The following AFTPH variants were observed in gnomAD, a reference collection of about 807,000 sequenced individuals.
AFTPH encodes aftiphilin.
AFTPH carries 7 observed loss-of-function variants against 72.5 expected under a neutral mutation model. The observed-to-expected ratio is 0.10, with a 90% confidence interval of 0.05 to 0.18. The LOEUF is 0.18. AFTPH is among the 10% of genes least tolerant of loss of function. The probability of loss-of-function intolerance (pLI) is 1.00; values close to 1 mark genes in which losing one functional copy is unlikely to be tolerated. For synonymous variants in AFTPH, 337 were observed against 370.1 expected (o/e 0.91, Z 1.03); for missense variants, 979 against 1,060.5 (o/e 0.92, Z 1.07).
At chr2:64,554,479 T>G (rs3770737) in intron 2 of AFTPH, among the ~76,000 whole-genome samples, 54,244 of 152,066 alleles carry the variant, frequency 0.36, 9,770 homozygotes, top group South Asian at 0.4. Flanking sequence ...ATTTCTCCAG[T>G]TATCTTCTGC....
At chr2:64,584,430 G>A (rs780941302) in intron 7 of AFTPH, among the ~76,000 whole-genome samples, 1 of 151,964 alleles carries the variant, frequency 6.6e-6, no homozygotes, top group Non-Finnish European at 1.5e-5. Flanking sequence ...ATGACTACCA[G>A]ATTCAGACAT....
intron 1 of AFTPH, among the ~76,000 whole-genome samples, chr2:64,542,803 G>A (rs1319834799): frequency 7.4e-6 from 1 of 135,316 alleles, no homozygotes; most frequent in Non-Finnish European, 1.7e-5. Flanking sequence ...AGAGTCATAT[G>A]AATGTTTGTG....
chr2:64,558,590 C>T (rs753893715), intron 2 of AFTPH, among the ~76,000 whole-genome samples: 2 of 152,174 alleles, frequency 1.3e-5, no homozygotes, highest in African/African-American at 4.8e-5. Flanking sequence ...AAGGGATAAA[C>T]GTTTGCAAAG....
At position 64,524,942 on chromosome 2, in the gene AFTPH, T is replaced by C. The variant is rs538532283; in HGVS notation, c.-33+330T>C. Among the ~76,000 whole-genome samples the C allele has an allele frequency of 8.6e-4, 131 of 152,364 alleles. 1 individual carries two copies. Among genetic ancestry groups the C allele is most frequent in the Non-Finnish European group, 1.2e-3 (79 of 68,028 alleles). On this transcript the variant is annotated intron_variant, in intron 1 of 8. Coordinates refer to ENST00000238856, the Ensembl canonical transcript of AFTPH. ...GCTTCCACCTCCCAAAGCTCCGCGC[T>C]GGCTGCGTTCTCCAGGGAGCTGTTC...
intron 1 of AFTPH, among the ~76,000 whole-genome samples, chr2:64,550,679 A>G (rs1332422807): frequency 5.8e-4 from 14 of 24,110 alleles, no homozygotes; most frequent in South Asian, 1.7e-3. Flanking sequence ...GTACGCATGC[A>G]CACACACACA....
chr2:64,563,833 C>G (rs181312035), intron 2 of AFTPH, among the ~76,000 whole-genome samples: 323 of 152,224 alleles, frequency 2.1e-3, no homozygotes, highest in Non-Finnish European at 3.4e-3. Flanking sequence ...GTCTCGAACT[C>G]CTGACCTTGT....
chr2:64,552,300 G>C (rs1205357080), exon 2 of AFTPH: 1 of 1,614,088 alleles, frequency 6.2e-7, no homozygotes, highest in African/African-American at 1.3e-5. Flanking sequence ...ACTGAATTCT[G>C]TAAAAGAAGT....
At chr2:64,536,856 A>AGG in intron 1 of AFTPH, among the ~76,000 whole-genome samples, 1 of 148,464 alleles carries the variant, frequency 6.7e-6, no homozygotes, top group East Asian at 2.1e-4. Context: ...GGGTGGCTGA[A>AGG]GTGGGAGGAT....
At chr2:64,560,489 A>C (rs1671654442) in intron 2 of AFTPH, among the ~76,000 whole-genome samples, 1 of 152,222 alleles carries the variant, frequency 6.6e-6, no homozygotes, top group African/African-American at 2.4e-5. Flanking sequence ...TAAAAAAGCA[A>C]ATGTACCTTT....
Position 64,579,706 on chromosome 2 carries a change from A to C in AFTPH, c.2455+160A>C, listed in dbSNP as rs375309639. On this transcript the variant is annotated intron_variant, in intron 7 of 8. Coordinates refer to ENST00000238856, the Ensembl canonical transcript of AFTPH. ...TTTCTGAACAGTAATTGCTCAAGAAACCAGCCGTTACTATTATCAACAGTA... is the reference window on the plus strand; with the variant it reads ...TTTCTGAACAGTAATTGCTCAAGAACCCAGCCGTTACTATTATCAACAGTA... The C allele has an allele frequency of 1.7e-4, 96 of 574,354 alleles. 1 individual carries two copies. The highest frequency in any genetic ancestry group is 5.7e-5 in the East Asian group (2 of 35,286). The allele number at this position is 574,354 out of a possible 1,614,324, so 35.6% of individuals were successfully genotyped here. A position where few individuals can be genotyped will look rare whatever the true frequency, so the allele number is the denominator to read the frequency against.
At chr2:64,579,749 G>T in intron 7 of AFTPH, 1 of 412,108 alleles carries the variant, frequency 2.4e-6, no homozygotes. Flanking sequence ...CCAAATATAG[G>T]TAATAGTAGT....
chr2:64,576,303 A>G (rs1672798166), intron 6 of AFTPH, among the ~76,000 whole-genome samples: 1 of 151,800 alleles, frequency 6.6e-6, no homozygotes, highest in African/African-American at 2.4e-5. Context: ...AGTGGCTTTC[A>G]AACTTAGCAC....
At chr2:64,567,182 T>C (rs902881387) in intron 2 of AFTPH, among the ~76,000 whole-genome samples, 18 of 152,230 alleles carry the variant, frequency 1.2e-4, no homozygotes, top group African/African-American at 4.3e-4. Flanking sequence ...GGAAAGAATA[T>C]AAATGCTCTC....
chr2:64,576,153 G>A (rs972677952), intron 6 of AFTPH, among the ~76,000 whole-genome samples: 12 of 146,880 alleles, frequency 8.2e-5, no homozygotes, highest in African/African-American at 2.6e-4. Flanking sequence ...GTGTGTGTGT[G>A]TGTATGTATA....
chr2:64,590,122 G>A (rs12713521), intron 8 of AFTPH, among the ~76,000 whole-genome samples: 40,021 of 151,960 alleles, frequency 0.26, 5,361 homozygotes, highest in Non-Finnish European at 0.28. Flanking sequence ...GTACAAACCA[G>A]TATTCAATTG....
At chr2:64,537,637 G>C (rs1669967977) in intron 1 of AFTPH, among the ~76,000 whole-genome samples, 1 of 152,090 alleles carries the variant, frequency 6.6e-6, no homozygotes, top group Admixed American at 6.5e-5. Flanking sequence ...GTTAAAATTT[G>C]CCAAAGTGTT....
chr2:64,556,868 A>T (rs921281750), intron 2 of AFTPH, among the ~76,000 whole-genome samples: 3 of 152,128 alleles, frequency 2.0e-5, no homozygotes, highest in Non-Finnish European at 4.4e-5. Context: ...TCGGTGAATA[A>T]TTTTTTCTGA....
chr2:64,551,641 A>T (rs985087956), exon 2 of AFTPH: 4 of 1,614,072 alleles, frequency 2.5e-6, no homozygotes, highest in Middle Eastern at 1.6e-4. Flanking sequence ...ACTCGTCCCA[A>T]GGAAGAGTTT....
At chr2:64,586,562 GA>G (rs1237031232) in intron 8 of AFTPH, among the ~76,000 whole-genome samples, 2 of 152,050 alleles carry the variant, frequency 1.3e-5, no homozygotes, top group African/African-American at 2.4e-5. Flanking sequence ...TATTCCCCCA[GA>G]TTTTTCTTAT....
Sources: gnomAD v4.1 joint callset for allele counts (sites outside exome capture counted in the v4.1 genomes callset) on GRCh38, gnomAD v4.1.1 for gene constraint, MANE v1.5 for transcripts, NCBI Gene and HGNC (gene_info 2026-07-23, HGNC 2026-07-21) for gene names.